RAB7B: variants seen among roughly 807,000 people sequenced by gnomAD.
The protein encoded by RAB7B is RAB7B, member RAS oncogene family, also known as ras-related protein Rab-7b.
intron 1 of RAB7B, among the ~76,000 whole-genome samples, chr1:205,995,189 A>G (rs1248512950): frequency 2.0e-5 from 3 of 152,096 alleles, no homozygotes; most frequent in Non-Finnish European, 1.5e-5. Flanking sequence ...GCACAACAAC[A>G]TGGTGCATGT....
intron 5 of RAB7B, among the ~76,000 whole-genome samples, chr1:205,980,978 C>T (rs1266084562): frequency 6.6e-6 from 1 of 151,824 alleles, no homozygotes; most frequent in Non-Finnish European, 1.5e-5. Flanking sequence ...CATGGCTCAC[C>T]ATGGCCTGAC....
chr1:205,993,443 C>T lies in RAB7B; in HGVS notation c.157G>A (p.Gly53Ser). 1 of 398,528 alleles carries T rather than the reference C, an allele frequency of 2.5e-6. No individual in the cohort carries two copies. The highest frequency in any genetic ancestry group is 4.4e-6 in the Non-Finnish European group (1 of 226,052). The allele number at this position is 398,528 out of a possible 1,614,324, so 24.7% of individuals were successfully genotyped here. A position where few individuals can be genotyped will look rare whatever the true frequency, so the allele number is the denominator to read the frequency against. The change falls in exon 3 of 6, where the codon GGT becomes AGT. Residue 53 changes from glycine (G) to serine (S), a missense_variant. Physicochemically the swap from Gly to Ser is moderately conservative, Grantham distance 56. Transcript: ENST00000617070. ...ACCTGTAACTTCAAAGTTGTGTCAC[C>T]CAATATGATAATCTTGGAGAGGATG... ...ASILSKIIIL[G>S]DTTLKLQIWD... is the part of the protein sequence containing the mutation.
At chr1:205,988,143 T>C (rs1660646271) in intron 4 of RAB7B, among the ~76,000 whole-genome samples, 1 of 152,062 alleles carries the variant, frequency 6.6e-6, no homozygotes, top group Non-Finnish European at 1.5e-5. Context: ...TTTCTCACCT[T>C]CCTAAACTAG....
intron 5 of RAB7B, among the ~76,000 whole-genome samples, chr1:205,982,483 A>G (rs929436488): frequency 2.6e-5 from 4 of 152,284 alleles, no homozygotes; most frequent in South Asian, 2.1e-4. Context: ...TGAAAACCCT[A>G]TGATGCAGCT....
At chr1:205,988,786 T>G (rs1660663784) in intron 4 of RAB7B, among the ~76,000 whole-genome samples, 4 of 152,144 alleles carry the variant, frequency 2.6e-5, no homozygotes, top group Non-Finnish European at 1.5e-5. Context: ...AGTCCACATC[T>G]GCGGGACGGG....
chr1:205,979,791 G>C (rs1411443101), intron 5 of RAB7B, among the ~76,000 whole-genome samples: 1 of 152,200 alleles, frequency 6.6e-6, no homozygotes, highest in Non-Finnish European at 1.5e-5. Flanking sequence ...GCATGGACCT[G>C]AGCAGGGGCA....
At chr1:205,997,207 A>C (rs998436859) in intron 1 of RAB7B, among the ~76,000 whole-genome samples, 2 of 152,192 alleles carry the variant, frequency 1.3e-5, no homozygotes, top group Non-Finnish European at 2.9e-5. Flanking sequence ...ACCACATGCA[A>C]AGCCTTGCAC....
At chr1:205,999,693 C>T (rs930879342) in intron 1 of RAB7B, among the ~76,000 whole-genome samples, 7,897 of 152,282 alleles carry the variant, frequency 0.052, 212 homozygotes, top group Admixed American at 0.061. Flanking sequence ...ATCTAACTGT[C>T]CATCAATATG....
chr1:205,989,673 A>G (rs1244787260), intron 4 of RAB7B, among the ~76,000 whole-genome samples: 1 of 151,122 alleles, frequency 6.6e-6, no homozygotes, highest in Non-Finnish European at 1.5e-5. Context: ...CCGCCACCCC[A>G]GCCCTGGCCC....
chr1:205,994,347 C>T (rs1034235728), intron 1 of RAB7B, 196 bp from the exon 2 acceptor site: 2 of 350,960 alleles, frequency 5.7e-6, no homozygotes, highest in African/African-American at 4.2e-5. Context: ...GGGGGCCTCC[C>T]CAAAGCTGGA....
At chr1:205,985,008 C>A (rs1020817854) in intron 5 of RAB7B, among the ~76,000 whole-genome samples, 5 of 152,206 alleles carry the variant, frequency 3.3e-5, no homozygotes, top group Non-Finnish European at 7.3e-5. Flanking sequence ...CACTTAGGGG[C>A]CTATCTGCCT....
chr1:205,982,391 C>T (rs1660511968), intron 5 of RAB7B, among the ~76,000 whole-genome samples: 1 of 152,176 alleles, frequency 6.6e-6, no homozygotes, highest in African/African-American at 2.4e-5. Context: ...CCAGCTCTAT[C>T]CTCTCACACC....
rs1055968075 is a variant in RAB7B at position 205,984,562 on chromosome 1, C to A, written c.522+978G>T. 5.9e-5 allele frequency among the ~76,000 whole-genome samples: 9 copies of A among 152,190 alleles called. No homozygotes were observed. The South Asian group carries it at 1.9e-3, about 32-fold the overall frequency. On this transcript the variant is annotated intron_variant, in intron 5 of 5. Coordinates refer to ENST00000617070, the MANE Select transcript of RAB7B (RefSeq NM_001164522.3). ...ATGATGACACAAGCTGAGCCCCTCCCCATGCCAATCCCAGGGCTTCCAAAC... is the reference window on the plus strand; with the variant it reads ...ATGATGACACAAGCTGAGCCCCTCCACATGCCAATCCCAGGGCTTCCAAAC...
At chr1:206,003,107 T>G (rs1660914809) in intron 1 of RAB7B, 146 bp downstream of exon 1, 1 of 152,240 alleles carries the variant, frequency 6.6e-6, no homozygotes, top group Non-Finnish European at 1.5e-5. Flanking sequence ...GGTGGGGTCT[T>G]AGGGCTGGAT....
Position 205,993,479 on chromosome 1 carries a change from GTGTGGTCTGGTATTCCTCATAAAACGTCT to G in RAB7B, c.92_120del (p.Lys31ThrfsTer14), listed in dbSNP as rs1660759584. 2.5e-6 allele frequency: 1 copy of G among 398,644 alleles called. No homozygotes were observed. Among genetic ancestry groups the G allele is most frequent in the African/African-American group, 2.1e-5 (1 of 48,752 alleles). The allele number at this position is 398,644 out of a possible 1,614,324, so 24.7% of individuals were successfully genotyped here. ...ATCTTGGAGAGGATGCTGGCCCCCAGTGTGGTCTGGTATTCCTCATAAAACGTCTTGTGCACATATTGGTGAAGGAGGGA... is the reference window on the plus strand; with the variant it reads ...ATCTTGGAGAGGATGCTGGCCCCCAGTGTGCACATATTGGTGAAGGAGGGA... On this transcript the variant is annotated frameshift_variant, in exon 3 of 6. Coordinates refer to ENST00000617070, the MANE Select transcript of RAB7B (RefSeq NM_001164522.3). LOFTEE classifies it high-confidence loss of function.
intron 5 of RAB7B, among the ~76,000 whole-genome samples, chr1:205,984,956 T>C (rs1331439625): frequency 6.6e-6 from 1 of 152,090 alleles, no homozygotes; most frequent in Non-Finnish European, 1.5e-5. Flanking sequence ...CTCTAGACCC[T>C]ACCCCTAAGT....
chr1:206,000,836 T>C (rs1373051454), intron 1 of RAB7B, among the ~76,000 whole-genome samples: 1 of 152,180 alleles, frequency 6.6e-6, no homozygotes. Flanking sequence ...GCTTGAGTCA[T>C]CTCTTCCACA....
At chr1:206,000,814 G>A (rs1003225279) in intron 1 of RAB7B, among the ~76,000 whole-genome samples, 1 of 152,208 alleles carries the variant, frequency 6.6e-6, no homozygotes, top group Non-Finnish European at 1.5e-5. Flanking sequence ...TTTATGCCAA[G>A]CACCACCCTG....
rs1383076064 is a variant in RAB7B, at chr1:205,993,412, C to A, written c.180+8G>T. Reference sequence around the variant, plus strand: ...GTATGTTGAAGAGGGAAAAGGAGGGCTGCTCACCTGTAACTTCAAAGTTGT... The same window carrying A: ...GTATGTTGAAGAGGGAAAAGGAGGGATGCTCACCTGTAACTTCAAAGTTGT... On this transcript the variant is annotated splice_region_variant and intron_variant, in intron 3 of 5. Transcript: ENST00000617070. The A allele has an allele frequency of 5.0e-6, 2 of 398,452 alleles. No individual in the cohort carries two copies. Among genetic ancestry groups the A allele is most frequent in the African/African-American group, 4.1e-5 (2 of 48,596 alleles). 24.7% of individuals were successfully genotyped at this position (398,452 alleles called of 1,614,324 possible). A position where few individuals can be genotyped will look rare whatever the true frequency, so the allele number is the denominator to read the frequency against.
Sources: allele counts gnomAD v4.1 joint callset (sites outside exome capture counted in the v4.1 genomes callset), GRCh38; gene constraint gnomAD v4.1.1; transcripts MANE v1.5; gene names NCBI Gene and HGNC (gene_info 2026-07-23, HGNC 2026-07-21).